Variants in ZFHX3 observed in about 807,000 individuals in gnomAD.
ZFHX3 encodes the protein zinc finger homeobox protein 3.
ZFHX3 carries 42 observed loss-of-function variants against 279.1 expected under a neutral mutation model. The ratio of observed to expected loss-of-function variants is 0.15; its 90% confidence interval spans 0.12 to 0.19. The LOEUF (loss-of-function observed/expected upper bound fraction) is 0.19, where lower values mean the gene tolerates loss of function less well. Ranked by LOEUF, ZFHX3 falls within the 10% of genes least tolerant of loss-of-function variation. The probability of loss-of-function intolerance (pLI) is 1.00; values close to 1 mark genes in which losing one functional copy is unlikely to be tolerated. For synonymous variants in ZFHX3, 2,293 were observed against 1,957.8 expected (o/e 1.17, Z -4.52); for missense variants, 4,981 against 4,754.0 (o/e 1.05, Z -1.40).
At chr16:73,235,184 C>T (rs1007454909) in intron 5 of ZFHX3, among the ~76,000 whole-genome samples, 1 of 152,166 alleles carries the variant, frequency 6.6e-6, no homozygotes, top group African/African-American at 2.4e-5. Flanking sequence ...ATTCTCCTGC[C>T]TCAGCCTCCT....
At chr16:72,998,750 C>G (rs917613415) in intron 1 of ZFHX3, among the ~76,000 whole-genome samples, 1 of 152,180 alleles carries the variant, frequency 6.6e-6, no homozygotes, top group Non-Finnish European at 1.5e-5. Context: ...ACAGAACTTA[C>G]CGCTGCTCAA....
At chr16:73,056,401 CATT>C (rs1965557520) in intron 1 of ZFHX3, among the ~76,000 whole-genome samples, 1 of 151,898 alleles carries the variant, frequency 6.6e-6, no homozygotes, top group Non-Finnish European at 1.5e-5. Context: ...ACAAACCTAA[CATT>C]GTAAGATAAG....
chr16:73,597,749 A>T (rs568516853), intron 2 of ZFHX3, among the ~76,000 whole-genome samples: 5 of 152,176 alleles, frequency 3.3e-5, no homozygotes, highest in Non-Finnish European at 7.3e-5. Flanking sequence ...AGCTCTGCCA[A>T]CACCTTGATT....
At chr16:73,073,442 T>G (rs1965848456) in intron 8 of ZFHX3, among the ~76,000 whole-genome samples, 1 of 152,200 alleles carries the variant, frequency 6.6e-6, no homozygotes. Flanking sequence ...TTTAAACATT[T>G]TGTACAAGTT....
intron 5 of ZFHX3, among the ~76,000 whole-genome samples, chr16:72,816,872 G>A (rs1428054647): frequency 6.6e-6 from 1 of 152,246 alleles, no homozygotes; most frequent in Non-Finnish European, 1.5e-5. Flanking sequence ...TATGCATGGA[G>A]ACACCAACTT....
intron 5 of ZFHX3, among the ~76,000 whole-genome samples, chr16:73,220,857 A>T (rs909372788): frequency 6.6e-6 from 1 of 152,196 alleles, no homozygotes; most frequent in South Asian, 2.1e-4. Context: ...GCTCTATAGG[A>T]TAGTGAAGTC....
chr16:73,102,148 A>C (rs1173525325), intron 7 of ZFHX3, among the ~76,000 whole-genome samples: 1 of 151,978 alleles, frequency 6.6e-6, no homozygotes, highest in East Asian at 1.9e-4. Context: ...TCCTGACCTC[A>C]GGTGAGTCGC....
intron 5 of ZFHX3, among the ~76,000 whole-genome samples, chr16:73,220,092 T>TA (rs936046432): frequency 3.3e-5 from 5 of 150,016 alleles, no homozygotes; most frequent in African/African-American, 9.8e-5. Flanking sequence ...CTCTCAAAAA[T>TA]AAAAAAATTA....
chr16:73,647,562 T>C (rs2052631869), intron 2 of ZFHX3, among the ~76,000 whole-genome samples: 1 of 152,186 alleles, frequency 6.6e-6, no homozygotes, highest in Non-Finnish European at 1.5e-5. Flanking sequence ...TGCTTCCTGT[T>C]AAGCCTGTGG....
chr16:73,686,145 G>C (rs1017558029), intron 1 of ZFHX3, among the ~76,000 whole-genome samples: 3 of 152,098 alleles, frequency 2.0e-5, no homozygotes, highest in Non-Finnish European at 2.9e-5. Flanking sequence ...GCCCAGGCTG[G>C]AGTGCAGTGG....
chr16:73,841,459 G>A (rs950769001), intron 1 of ZFHX3, among the ~76,000 whole-genome samples: 1 of 152,102 alleles, frequency 6.6e-6, no homozygotes, highest in Non-Finnish European at 1.5e-5. Context: ...GGCTTGGAGG[G>A]GCTGAGTCGG....
At chr16:73,203,710 A>G (rs771333554) in intron 5 of ZFHX3, among the ~76,000 whole-genome samples, 4 of 152,230 alleles carry the variant, frequency 2.6e-5, no homozygotes, top group Non-Finnish European at 5.9e-5. Flanking sequence ...GCTCATAGTA[A>G]TAATACTAGC....
chr16:73,715,034 T>C (rs952078031), intron 1 of ZFHX3, among the ~76,000 whole-genome samples: 4 of 152,166 alleles, frequency 2.6e-5, no homozygotes, highest in African/African-American at 7.2e-5. Context: ...CCTACCCCCA[T>C]GAAGTTGCAG....
At chr16:73,868,912 T>C (rs1962098206) in intron 1 of ZFHX3, among the ~76,000 whole-genome samples, 1 of 152,192 alleles carries the variant, frequency 6.6e-6, no homozygotes, top group South Asian at 2.1e-4. Flanking sequence ...GCTTTTAAAA[T>C]AGCATTTTCA....
intron 1 of ZFHX3, among the ~76,000 whole-genome samples, chr16:73,809,899 G>A (rs1037909978): frequency 6.6e-6 from 1 of 152,116 alleles, no homozygotes; most frequent in Non-Finnish European, 1.5e-5. Context: ...CCTTCCCTGT[G>A]GCCACTTACC....
intron 3 of ZFHX3, among the ~76,000 whole-genome samples, chr16:72,914,606 A>T (rs2039395831): frequency 6.6e-6 from 1 of 152,214 alleles, no homozygotes; most frequent in Admixed American, 6.5e-5. Context: ...TTCTGACATT[A>T]AAAAAGAAAC....
intron 3 of ZFHX3, among the ~76,000 whole-genome samples, chr16:72,929,732 C>T (rs757601003): frequency 2.6e-5 from 4 of 152,132 alleles, no homozygotes; most frequent in African/African-American, 4.8e-5. Flanking sequence ...CCTCATTAAC[C>T]GAAACACATT....
At chr16:73,388,420 A>G (rs1187756968) in intron 3 of ZFHX3, among the ~76,000 whole-genome samples, 1 of 152,254 alleles carries the variant, frequency 6.6e-6, no homozygotes, top group African/African-American at 2.4e-5. Context: ...TAGAATTTAC[A>G]GTATTTTAGC....
intron 2 of ZFHX3, among the ~76,000 whole-genome samples, chr16:73,673,447 C>A (rs959193872): frequency 6.6e-6 from 1 of 151,934 alleles, no homozygotes; most frequent in African/African-American, 2.4e-5. Flanking sequence ...TATATTTATC[C>A]TGCTGTTAAA....
Sources: allele counts gnomAD v4.1 joint callset (sites outside exome capture counted in the v4.1 genomes callset), GRCh38; gene constraint gnomAD v4.1.1; transcripts MANE v1.5; gene names NCBI Gene and HGNC (gene_info 2026-07-23, HGNC 2026-07-21).